The following PEX14 variants were observed in gnomAD, a reference collection of about 807,000 sequenced individuals.
The protein encoded by PEX14 is peroxisomal biogenesis factor 14.
In PEX14, 15 loss-of-function variants were observed where a neutral mutation model predicts 49.5. That is an observed-to-expected ratio of 0.30 (90% CI 0.20 to 0.47). PEX14 has a LOEUF of 0.47. Among genes scored for constraint, PEX14 ranks in the 20% least tolerant of loss-of-function variants. The pLI is 1.00. For missense variants in PEX14, 398 were observed against 494.8 expected (o/e 0.80, Z 1.86); for synonymous variants, 210 against 212.7 (o/e 0.99, Z 0.11).
chr1:10,475,040 C>T (rs1557799966), intron 1 of PEX14, 38 bp downstream of exon 1: 1 of 1,589,412 alleles, frequency 6.3e-7, no homozygotes, highest in African/African-American at 1.3e-5. Flanking sequence ...GCGGCGGAGA[C>T]CCCGGCTGGA....
intron 3 of PEX14, among the ~76,000 whole-genome samples, chr1:10,548,405 T>C (rs750404014): frequency 1.3e-5 from 2 of 152,204 alleles, no homozygotes; most frequent in Non-Finnish European, 2.9e-5. Context: ...TTTTGAAACT[T>C]AACATAAGGT....
intron 2 of PEX14, among the ~76,000 whole-genome samples, chr1:10,515,496 GGAAA>G (rs1641954669): frequency 1.3e-5 from 2 of 152,160 alleles, no homozygotes; most frequent in Non-Finnish European, 2.9e-5. Context: ...GAGACACCCT[GGAAA>G]GAGAGTGCCT....
intron 2 of PEX14, among the ~76,000 whole-genome samples, chr1:10,506,202 T>G (rs1265052802): frequency 6.6e-6 from 1 of 152,212 alleles, no homozygotes; most frequent in Non-Finnish European, 1.5e-5. Flanking sequence ...TAAACCTGTG[T>G]CCTTGTATTA....
At chr1:10,504,878 C>A (rs1360560765) in intron 2 of PEX14, among the ~76,000 whole-genome samples, 1 of 151,972 alleles carries the variant, frequency 6.6e-6, no homozygotes, top group Admixed American at 6.6e-5. Context: ...CCTCCGCCTC[C>A]CAGGGTCAAG....
chr1:10,594,733 C>G (rs1640786255), intron 3 of PEX14, among the ~76,000 whole-genome samples: 2 of 152,200 alleles, frequency 1.3e-5, no homozygotes, highest in African/African-American at 2.4e-5. Flanking sequence ...CTGAGAAACC[C>G]TTGCACGGCC....
chr1:10,494,191 G>A lies in PEX14; in HGVS notation c.37-1083G>A, dbSNP rs575118902. On this transcript the variant is annotated intron_variant, in intron 1 of 8. Transcript: ENST00000356607. This position sits in a 1 kb window ranked among gnomAD's most constrained non-coding sequence, Gnocchi z 4.3. ...AGCAGAGTGCTTGCCACTGTGCTGT[G>A]TGCCAGCTAATGTGGTAGTAGCTGG... 1.3e-5 allele frequency among the ~76,000 whole-genome samples: 2 copies of A among 152,320 alleles called. No individual in the cohort carries two copies. Among genetic ancestry groups the A allele is most frequent in the South Asian group, 4.1e-4 (2 of 4,832 alleles).
chr1:10,502,802 T>C (rs1347398314), intron 2 of PEX14, among the ~76,000 whole-genome samples: 23 of 150,686 alleles, frequency 1.5e-4, no homozygotes, highest in South Asian at 4.3e-4. Flanking sequence ...TTTTCTTTTT[T>C]TTTTTTTTTT....
At chr1:10,488,565 CCTCGG>C (rs912271194) in intron 1 of PEX14, among the ~76,000 whole-genome samples, 129 of 151,166 alleles carry the variant, frequency 8.5e-4, no homozygotes, top group African/African-American at 2.9e-3. Flanking sequence ...AGTGGCGTGA[CCTCGG>C]TTCACTGCAA....
intron 1 of PEX14, among the ~76,000 whole-genome samples, chr1:10,483,321 C>A (rs755016816): frequency 6.6e-6 from 1 of 151,764 alleles, no homozygotes; most frequent in Non-Finnish European, 1.5e-5. Flanking sequence ...CCAAGTTTTT[C>A]TTTTTTTCTT....
intron 2 of PEX14, among the ~76,000 whole-genome samples, chr1:10,497,558 A>G (rs1232562660): frequency 1.3e-5 from 2 of 152,200 alleles, no homozygotes; most frequent in African/African-American, 4.8e-5. Context: ...ATACATATGA[A>G]ATAAGAGCAA....
At chr1:10,519,430 C>G (rs1007712848) in intron 2 of PEX14, among the ~76,000 whole-genome samples, 1 of 152,118 alleles carries the variant, frequency 6.6e-6, no homozygotes, top group Non-Finnish European at 1.5e-5. Flanking sequence ...TTGAAAGCAC[C>G]TGGCGAAAAG....
intron 2 of PEX14, among the ~76,000 whole-genome samples, chr1:10,531,300 G>A (rs1215910804): frequency 6.6e-6 from 1 of 152,134 alleles, no homozygotes; most frequent in Non-Finnish European, 1.5e-5. Context: ...TCCCTGTGCC[G>A]CCGATGACCA....
intron 3 of PEX14, among the ~76,000 whole-genome samples, chr1:10,558,176 T>A (rs1639549509): frequency 1.3e-5 from 2 of 152,068 alleles, no homozygotes; most frequent in African/African-American, 4.8e-5. Context: ...AATATAAAAA[T>A]TTTGTATTTT....
chr1:10,479,383 G>A (rs1641246594), intron 1 of PEX14, among the ~76,000 whole-genome samples: 1 of 151,850 alleles, frequency 6.6e-6, no homozygotes, highest in Non-Finnish European at 1.5e-5. Context: ...TTTGGGGACG[G>A]GGGAAGAGAC....
chr1:10,480,704 T>C (rs998639888), intron 1 of PEX14, among the ~76,000 whole-genome samples: 2 of 152,096 alleles, frequency 1.3e-5, no homozygotes, highest in Non-Finnish European at 2.9e-5. Context: ...CTCAACTTTT[T>C]ATTTTGAAAA....
chr1:10,569,382 A>G (rs150639770), intron 3 of PEX14, among the ~76,000 whole-genome samples: 1 of 152,166 alleles, frequency 6.6e-6, no homozygotes, highest in East Asian at 1.9e-4. Context: ...TCCCCTCGGC[A>G]CCATCAAAGA....
At chr1:10,523,123 G>A (rs1284951424) in intron 2 of PEX14, among the ~76,000 whole-genome samples, 2 of 152,068 alleles carry the variant, frequency 1.3e-5, no homozygotes, top group Non-Finnish European at 2.9e-5. Flanking sequence ...GGCATTTGCT[G>A]TTGGGCTTTT....
At chr1:10,528,841 G>A (rs1408905344) in intron 2 of PEX14, among the ~76,000 whole-genome samples, 1 of 152,178 alleles carries the variant, frequency 6.6e-6, no homozygotes, top group Non-Finnish European at 1.5e-5. Context: ...TTCCTGGCAC[G>A]CTGGCCAAAC....
chr1:10,601,746 G>A (rs954817103), intron 4 of PEX14, among the ~76,000 whole-genome samples: 1 of 152,326 alleles, frequency 6.6e-6, no homozygotes, highest in Non-Finnish European at 1.5e-5. Flanking sequence ...CCAATCCATT[G>A]TAGTTGCTTT....
Sources: allele counts gnomAD v4.1 joint callset (sites outside exome capture counted in the v4.1 genomes callset), GRCh38; gene constraint gnomAD v4.1.1; non-coding constraint Gnocchi (gnomAD v3.1); transcripts MANE v1.5; gene names NCBI Gene and HGNC (gene_info 2026-07-23, HGNC 2026-07-21).